KIF26B: variants seen among roughly 807,000 people sequenced by gnomAD.
KIF26B encodes the protein kinesin family member 26B.
Under a neutral mutation model 151.2 loss-of-function variants are expected in KIF26B, and 63 were observed. That is an observed-to-expected ratio of 0.42 (90% CI 0.34 to 0.51). KIF26B has a LOEUF of 0.51. KIF26B is among the 20% of genes least tolerant of loss of function. The probability of loss-of-function intolerance (pLI) is 0.07; values close to 1 mark genes in which losing one functional copy is unlikely to be tolerated. For synonymous variants in KIF26B, 1,357 were observed against 1,262.1 expected (o/e 1.08, Z -1.59); for missense variants, 2,813 against 2,913.6 (o/e 0.97, Z 0.79).
intron 2 of KIF26B, among the ~76,000 whole-genome samples, chr1:245,234,118 A>G: frequency 6.6e-6 from 1 of 151,900 alleles, no homozygotes; most frequent in Non-Finnish European, 1.5e-5. Flanking sequence ...TAGGAGGTGG[A>G]GGTTGCAGTG....
intron 2 of KIF26B, among the ~76,000 whole-genome samples, chr1:245,309,562 G>A (rs1277314618): frequency 1.3e-5 from 2 of 151,590 alleles, no homozygotes; most frequent in Non-Finnish European, 2.9e-5. Context: ...GTCTCTCTTG[G>A]GTCGCCAGCT....
chr1:245,172,341 G>C (rs6656693), intron 2 of KIF26B, among the ~76,000 whole-genome samples: 1 of 151,880 alleles, frequency 6.6e-6, no homozygotes, highest in Admixed American at 6.6e-5. Context: ...CCTAAGAAGT[G>C]TCATGGCTGG....
At chr1:245,684,694 A>T (rs56382371) in intron 11 of KIF26B, among the ~76,000 whole-genome samples, 2 of 152,156 alleles carry the variant, frequency 1.3e-5, no homozygotes, top group Non-Finnish European at 2.9e-5. Flanking sequence ...CAAGAGGAAA[A>T]ACGTTGGAGG....
intron 9 of KIF26B, among the ~76,000 whole-genome samples, chr1:245,619,707 G>A (rs374857747): frequency 6.6e-6 from 1 of 151,746 alleles, no homozygotes; most frequent in Non-Finnish European, 1.5e-5. Context: ...GAGGTCAGGA[G>A]TTCAAGACCA....
intron 2 of KIF26B, among the ~76,000 whole-genome samples, chr1:245,286,955 A>G (rs997569918): frequency 3.9e-5 from 6 of 152,100 alleles, no homozygotes; most frequent in Admixed American, 3.9e-4. Flanking sequence ...TAAAAATACA[A>G]AAAATTAGCC....
At chr1:245,325,558 C>T (rs998931031) in intron 2 of KIF26B, among the ~76,000 whole-genome samples, 2 of 151,908 alleles carry the variant, frequency 1.3e-5, no homozygotes, top group Non-Finnish European at 2.9e-5. Context: ...ACTACAAGTA[C>T]AAAATTAGCG....
intron 3 of KIF26B, among the ~76,000 whole-genome samples, chr1:245,407,756 T>A (rs1674171556): frequency 1.3e-5 from 2 of 152,192 alleles, no homozygotes; most frequent in South Asian, 4.1e-4. Flanking sequence ...ATTTATTAGA[T>A]AAATTCCATA....
Position 245,602,572 on chromosome 1 carries a change from A to G in KIF26B, c.1351-5A>G. 6.2e-7 allele frequency: 1 copy of G among 1,603,492 alleles called. No individual in the cohort carries two copies. Among genetic ancestry groups the G allele is most frequent in the Non-Finnish European group, 8.5e-7 (1 of 1,174,284 alleles). ...TCCATGCTGTCGCCCATCTTTTCTT[A>G]ACAGGTGAAAGTCATGCTTCGCATC... On this transcript the variant is annotated splice_region_variant and splice_polypyrimidine_tract_variant and intron_variant, in intron 5 of 14. Transcript: ENST00000407071. This position sits in a 1 kb window ranked among gnomAD's most constrained non-coding sequence, Gnocchi z 4.5.
intron 6 of KIF26B, among the ~76,000 whole-genome samples, chr1:245,605,715 A>C (rs539089642): frequency 8.5e-5 from 13 of 152,148 alleles, no homozygotes; most frequent in Admixed American, 5.9e-4. Flanking sequence ...GGGAAGCAGC[A>C]AGGGGCCTCC....
Position 245,688,596 on chromosome 1 carries a change from C to G in KIF26B, c.5613C>G (p.Asn1871Lys). Residue 1871 changes from asparagine to lysine, a missense_variant, in exon 12 of 15, where the codon AAC becomes AAG. By Grantham distance (94) the Asn-to-Lys change is moderately conservative (BLOSUM62 0). Coordinates refer to ENST00000407071, the MANE Select transcript of KIF26B (RefSeq NM_018012.4). ...GCAGCAGCGGCCACGGCAGCGACAACAGCAGCGTGCTGAGCGGGGAGCTCC... is the reference window on the plus strand; with the variant it reads ...GCAGCAGCGGCCACGGCAGCGACAAGAGCAGCGTGCTGAGCGGGGAGCTCC... ...HRCSSGHGSD[N>K]SSVLSGELPP... is the part of the protein sequence containing the mutation. 1 of 1,582,430 alleles carries G rather than the reference C, an allele frequency of 6.3e-7. No individual in the cohort carries two copies. The highest frequency in any genetic ancestry group is 8.6e-7 in the Non-Finnish European group (1 of 1,167,196).
At chr1:245,226,259 G>A (rs1183513564) in intron 2 of KIF26B, 1 of 152,204 alleles carries the variant, frequency 6.6e-6, no homozygotes, top group African/African-American at 2.4e-5. Context: ...AACTGCAAAC[G>A]AGGACGTGAA....
At chr1:245,209,121 C>T (rs1317111925) in intron 2 of KIF26B, among the ~76,000 whole-genome samples, 1 of 152,166 alleles carries the variant, frequency 6.6e-6, no homozygotes, top group Non-Finnish European at 1.5e-5. Context: ...ATTAACAGGC[C>T]AGGCGCAGTG....
At chr1:245,169,145 C>G (rs1276555765) in intron 2 of KIF26B, among the ~76,000 whole-genome samples, 1 of 152,112 alleles carries the variant, frequency 6.6e-6, no homozygotes, top group Non-Finnish European at 1.5e-5. Context: ...CCTCGTCCTT[C>G]CACCGAGCTC....
chr1:245,472,488 C>A (rs78702136), intron 4 of KIF26B, among the ~76,000 whole-genome samples: 1,663 of 152,152 alleles, frequency 0.011, 44 homozygotes, highest in African/African-American at 0.037. Context: ...AAGTGAGCAC[C>A]CTAAAATGAA....
chr1:245,669,654 C>A (rs527330350), intron 10 of KIF26B, among the ~76,000 whole-genome samples: 1 of 152,276 alleles, frequency 6.6e-6, no homozygotes, highest in South Asian at 2.1e-4. Context: ...CAGGATGTAG[C>A]TATTAAAACA....
intron 2 of KIF26B, among the ~76,000 whole-genome samples, chr1:245,342,033 C>T (rs979267244): frequency 1.1e-4 from 16 of 152,180 alleles, no homozygotes; most frequent in African/African-American, 3.6e-4. Flanking sequence ...TCCTTTGTTT[C>T]CTCTTGAACC....
At chr1:245,303,450 G>T (rs896745843) in intron 2 of KIF26B, among the ~76,000 whole-genome samples, 6 of 150,552 alleles carry the variant, frequency 4.0e-5, no homozygotes, top group Non-Finnish European at 8.8e-5. Flanking sequence ...CGCCCGCCTC[G>T]GCCTCCCAAA....
intron 2 of KIF26B, among the ~76,000 whole-genome samples, chr1:245,215,774 A>G (rs1311074073): frequency 6.6e-6 from 1 of 152,100 alleles, no homozygotes; most frequent in African/African-American, 2.4e-5. Flanking sequence ...GTTTTTTTAG[A>G]GGCTTCTATG....
At chr1:245,243,536 C>G (rs1670251428) in intron 2 of KIF26B, among the ~76,000 whole-genome samples, 1 of 152,066 alleles carries the variant, frequency 6.6e-6, no homozygotes, top group Admixed American at 6.6e-5. Flanking sequence ...TGTTTCTCCT[C>G]CCAGTCTGTG....
Sources: allele counts gnomAD v4.1 joint callset (sites outside exome capture counted in the v4.1 genomes callset), GRCh38; gene constraint gnomAD v4.1.1; non-coding constraint Gnocchi (gnomAD v3.1); transcripts MANE v1.5; gene names NCBI Gene and HGNC (gene_info 2026-07-23, HGNC 2026-07-21).